The following CPLX1 variants were observed in gnomAD, a reference collection of about 807,000 sequenced individuals.
CPLX1 encodes complexin-1.
Under a neutral mutation model 15.6 loss-of-function variants are expected in CPLX1, and 6 were observed. The observed-to-expected ratio is 0.39, with a 90% CI of 0.21 to 0.76. CPLX1 has a LOEUF of 0.76. CPLX1 is among the 30% of genes least tolerant of loss of function. The probability of loss-of-function intolerance (pLI) is 0.43; values close to 1 mark genes in which losing one functional copy is unlikely to be tolerated. For synonymous variants in CPLX1, 91 were observed against 75.2 expected (o/e 1.21, Z -1.08); for missense variants, 242 against 188.6 (o/e 1.28, Z -1.66).
At chr4:818,336 T>C (rs907987026) in intron 2 of CPLX1, among the ~76,000 whole-genome samples, 21 of 152,344 alleles carry the variant, frequency 1.4e-4, no homozygotes, top group African/African-American at 5.1e-4. Context: ...GTCAAGCTGA[T>C]TGTGGACCAG....
rs11735877 is a variant in CPLX1 at position 786,295 on chromosome 4, G to A, written c.*206C>T. On this transcript the variant is annotated 3_prime_UTR_variant, in exon 4 of 4. Coordinates refer to ENST00000304062, the MANE Select transcript of CPLX1 (RefSeq NM_006651.4). ...GCGATGGGGCTCCAGCCACCCGCGG[G>A]CAGAGGAGCACGGGGCGGACTGGGG... 0.17 allele frequency: 74,304 copies of A among 427,510 alleles called. 8,175 individuals are homozygous for A. The highest frequency in any genetic ancestry group is 0.27 in the Middle Eastern group (435 of 1,630). 26.5% of individuals were successfully genotyped at this position (427,510 alleles called of 1,614,324 possible). A position where few individuals can be genotyped will look rare whatever the true frequency, so the allele number is the denominator to read the frequency against.
At chr4:816,857 G>A (rs535352810) in intron 2 of CPLX1, among the ~76,000 whole-genome samples, 206 of 152,208 alleles carry the variant, frequency 1.4e-3, no homozygotes, top group Admixed American at 4.2e-3. Flanking sequence ...GAGAGGAGTC[G>A]GAAGAGTATA....
At chr4:821,734 C>T (rs1394175714) in intron 2 of CPLX1, among the ~76,000 whole-genome samples, 1 of 152,180 alleles carries the variant, frequency 6.6e-6, no homozygotes, top group African/African-American at 2.4e-5. Context: ...AGAGGAGCCT[C>T]CCGCTCCCCC....
chr4:809,602 C>T (rs1411641335), intron 2 of CPLX1, among the ~76,000 whole-genome samples: 6 of 152,324 alleles, frequency 3.9e-5, no homozygotes, highest in Middle Eastern at 3.4e-3. Context: ...AGGCGTCCTC[C>T]GTAACTCTCA....
chr4:825,230 GGC>G (rs1318793517), intron 1 of CPLX1, among the ~76,000 whole-genome samples: 1 of 152,126 alleles, frequency 6.6e-6, no homozygotes, highest in Non-Finnish European at 1.5e-5. Flanking sequence ...GGTGGGGTGG[GGC>G]GCTCTGGTCC....
Position 808,109 on chromosome 4 carries a change from A to G in CPLX1, c.32-15501T>C, listed in dbSNP as rs564133760. Reference sequence around the variant, plus strand: ...GGCAAAACCCTGTCTCCACAAAAAAATTATGAAAAATTCGCCAGGCATAGT... The same window carrying G: ...GGCAAAACCCTGTCTCCACAAAAAAGTTATGAAAAATTCGCCAGGCATAGT... On this transcript the variant is annotated intron_variant, in intron 2 of 3. Transcript: ENST00000304062. Among the ~76,000 whole-genome samples the G allele has an allele frequency of 3.3e-5, 5 of 152,292 alleles. No homozygotes were observed. The East Asian group carries it at 5.8e-4, about 18-fold the overall frequency.
chr4:824,524 G>A lies in CPLX1; in HGVS notation c.-2C>T. On this transcript the variant is annotated 5_prime_UTR_variant, in exon 2 of 4. Transcript: ENST00000304062. Reference sequence around the variant, plus strand: ...AGCCTGCTTCATCACAAACTCCATGGCGATTGCTCTGCTTCCACAGTGGCT... The same window carrying A: ...AGCCTGCTTCATCACAAACTCCATGACGATTGCTCTGCTTCCACAGTGGCT... 6.2e-7 allele frequency: 1 copy of A among 1,612,872 alleles called. No homozygotes were observed. Among genetic ancestry groups the A allele is most frequent in the Non-Finnish European group, 8.5e-7 (1 of 1,179,782 alleles).
intron 2 of CPLX1, among the ~76,000 whole-genome samples, chr4:794,792 C>A (rs1746284923): frequency 2.6e-5 from 4 of 152,230 alleles, no homozygotes; most frequent in African/African-American, 9.6e-5. Context: ...GAAGGGGTTC[C>A]TGGCAGGGGT....
intron 2 of CPLX1, among the ~76,000 whole-genome samples, chr4:819,979 C>T (rs1460953298): frequency 6.6e-6 from 1 of 152,190 alleles, no homozygotes; most frequent in Non-Finnish European, 1.5e-5. Context: ...CACATCGTCA[C>T]CCCAATTCAA....
At position 824,547 on chromosome 4, in the gene CPLX1, G is replaced by C; in HGVS notation, c.-25C>G. ...TGGCGATTGCTCTGCTTCCACAGTG[G>C]CTCCTCCAGGGGTCAGAACTCACAC... On this transcript the variant is annotated 5_prime_UTR_variant, in exon 2 of 4. Transcript: ENST00000304062. 1.2e-6 allele frequency: 2 copies of C among 1,612,482 alleles called. No homozygotes were observed. The highest frequency in any genetic ancestry group is 1.7e-6 in the Non-Finnish European group (2 of 1,179,486).
chr4:813,033 G>C (rs775155480), intron 2 of CPLX1, among the ~76,000 whole-genome samples: 1 of 152,136 alleles, frequency 6.6e-6, no homozygotes, highest in African/African-American at 2.4e-5. Context: ...TTGGGAGGCC[G>C]AGGCAGGCAG....
At chr4:819,354 C>T (rs1189814498) in intron 2 of CPLX1, among the ~76,000 whole-genome samples, 3 of 152,204 alleles carry the variant, frequency 2.0e-5, no homozygotes, top group Admixed American at 6.5e-5. Flanking sequence ...TTCACGGTTT[C>T]GGGAGGAAAG....
At chr4:820,454 C>T (rs889846681) in intron 2 of CPLX1, among the ~76,000 whole-genome samples, 20 of 152,340 alleles carry the variant, frequency 1.3e-4, no homozygotes, top group African/African-American at 4.3e-4. Context: ...GGTGGACACC[C>T]AACCTTGCCC....
chr4:823,715 G>C (rs1027702376), intron 2 of CPLX1, among the ~76,000 whole-genome samples: 1 of 152,240 alleles, frequency 6.6e-6, no homozygotes, highest in African/African-American at 2.4e-5. Context: ...GTCTGTACCA[G>C]CATGGCCCAG....
At chr4:786,761 C>G in intron 3 of CPLX1, 63 bp from the exon 4 acceptor site, 2 of 1,525,400 alleles carry the variant, frequency 1.3e-6, no homozygotes, top group East Asian at 2.3e-5. Flanking sequence ...CGCAGCCTCC[C>G]TGCGCCAGGG....
At position 786,493 on chromosome 4, in the gene CPLX1, G is replaced by A. The variant is rs1745992941; in HGVS notation, c.*8C>T. 13 of 1,555,406 alleles carry A rather than the reference G, an allele frequency of 8.4e-6. No homozygotes were observed. The highest frequency in any genetic ancestry group is 1.4e-5 in the African/African-American group (1 of 73,180). ...GGGGGCTCCGCGGGGCCGCTGTCCCGCGCGCGGCTACTTCTTGAGCATGTC... is the reference window on the plus strand; with the variant it reads ...GGGGGCTCCGCGGGGCCGCTGTCCCACGCGCGGCTACTTCTTGAGCATGTC... On this transcript the variant is annotated 3_prime_UTR_variant, in exon 4 of 4. Transcript: ENST00000304062.
intron 3 of CPLX1, chr4:788,386 C>A (rs569925706): frequency 4.1e-6 from 4 of 985,188 alleles, no homozygotes; most frequent in East Asian, 1.1e-4. Flanking sequence ...GAGGGCGCCA[C>A]GTTCCCAGCC....
In CPLX1 at chr4:786,497, G is replaced by A. The variant is rs113219473; in HGVS notation, c.*4C>T. 6.4e-7 allele frequency: 1 copy of A among 1,561,514 alleles called. No individual in the cohort carries two copies. ...GCTCCGCGGGGCCGCTGTCCCGCGC[G>A]CGGCTACTTCTTGAGCATGTCCTGC... On this transcript the variant is annotated 3_prime_UTR_variant, in exon 4 of 4. Transcript: ENST00000304062.
intron 2 of CPLX1, chr4:804,934 C>G: frequency 1.1e-6 from 1 of 945,058 alleles, no homozygotes; most frequent in Non-Finnish European, 1.3e-6. Flanking sequence ...GCCGCGAGCA[C>G]GTGCGGAGTT....
Sources: gnomAD v4.1 joint callset for allele counts (sites outside exome capture counted in the v4.1 genomes callset) on GRCh38, gnomAD v4.1.1 for gene constraint, MANE v1.5 for transcripts, NCBI Gene and HGNC (gene_info 2026-07-23, HGNC 2026-07-21) for gene names.